The following ABLIM2 variants were observed in gnomAD, a reference collection of about 807,000 sequenced individuals.
The protein encoded by ABLIM2 is actin-binding LIM protein 2.
In ABLIM2, 53 loss-of-function variants were observed where a neutral mutation model predicts 97.7. That is an observed-to-expected ratio of 0.54 (90% CI 0.44 to 0.68). The LOEUF (loss-of-function observed/expected upper bound fraction) is 0.68. Among genes scored for constraint, ABLIM2 ranks in the 30% least tolerant of loss-of-function variants. The pLI is 0.00. For missense variants in ABLIM2, 835 were observed against 867.2 expected (o/e 0.96, Z 0.47); for synonymous variants, 361 against 345.8 (o/e 1.04, Z -0.49).
Position 8,015,375 on chromosome 4 carries a change from C to T in ABLIM2, c.1423+4243G>A, listed in dbSNP as rs914181263. On this transcript the variant is annotated intron_variant, in intron 14 of 20. Transcript: ENST00000447017. This position sits in a 1 kb window ranked among gnomAD's most constrained non-coding sequence, Gnocchi z 4.6. ...AGGGAGAGGCTGAGTTCCTACTCCC[C>T]GGCTCCCCTGGGGAGCCTCAGTGGG... is the stretch of plus-strand genomic sequence containing the variant. 2.0e-5 allele frequency among the ~76,000 whole-genome samples: 3 copies of T among 152,046 alleles called. No homozygotes were observed. The highest frequency in any genetic ancestry group is 2.9e-5 in the Non-Finnish European group (2 of 68,004).
intron 9 of ABLIM2, among the ~76,000 whole-genome samples, chr4:8,039,881 T>TA (rs1553989695): frequency 7.0e-6 from 1 of 141,856 alleles, no homozygotes; most frequent in South Asian, 2.2e-4. Flanking sequence ...ACTGTTTTTT[T>TA]TTTTTTTTTT....
At position 8,056,330 on chromosome 4, in the gene ABLIM2, G is replaced by C. The variant is rs182255366; in HGVS notation, c.764-2084C>G. Among the ~76,000 whole-genome samples, 1,379 of 143,994 alleles carry C rather than the reference G, an allele frequency of 9.6e-3. 19 individuals carry two copies. The highest frequency in any genetic ancestry group is 0.033 in the African/African-American group (1,287 of 38,744). 94.5% of individuals were successfully genotyped at this position (143,994 alleles called of 152,430 possible). On this transcript the variant is annotated intron_variant, in intron 7 of 20. Coordinates refer to ENST00000447017, the MANE Select transcript of ABLIM2 (RefSeq NM_001130083.2). Reference sequence around the variant, plus strand: ...CTTTTTTTTTTTTTTTTTGAGACAGGGTCTCACTCTGTTACCCAGCATGGC... The same window carrying C: ...CTTTTTTTTTTTTTTTTTGAGACAGCGTCTCACTCTGTTACCCAGCATGGC...
At chr4:7,968,450 T>C (rs564526904) in intron 20 of ABLIM2, among the ~76,000 whole-genome samples, 91 of 152,354 alleles carry the variant, frequency 6.0e-4, no homozygotes, top group African/African-American at 2.0e-3. Flanking sequence ...AATGGACGAA[T>C]AGATACACAG....
At position 8,036,187 on chromosome 4, in the gene ABLIM2, T is replaced by C. The variant is rs1463130058; in HGVS notation, c.1009A>G (p.Ile337Val). Residue 337 changes from isoleucine to valine, a missense_variant, in exon 10 of 21, where the codon ATC (isoleucine) becomes GTC (valine). Coordinates refer to ENST00000447017, the MANE Select transcript of ABLIM2 (RefSeq NM_001130083.2). ...TGCCTGTCCCCTGCAGAGTGGCTGA[T>C]GTAGGGTGAGTAGGAGATCATGTCG... ...RPDMISYSPY[I>V]SHSAGDRQSY... 4 of 1,613,806 alleles carry C rather than the reference T, an allele frequency of 2.5e-6. No homozygotes were observed. Among genetic ancestry groups the C allele is most frequent in the East Asian group, 2.2e-5 (1 of 44,876 alleles).
At chr4:8,108,599 C>T (rs748236631) in intron 1 of ABLIM2, among the ~76,000 whole-genome samples, 3 of 152,262 alleles carry the variant, frequency 2.0e-5, no homozygotes, top group Admixed American at 1.3e-4. Context: ...CTAATTCGTG[C>T]CCCCGCTTTC....
Position 7,983,310 on chromosome 4 carries a change from C to A in ABLIM2, c.1778G>T (p.Arg593Leu). 6.2e-7 allele frequency: 1 copy of A among 1,612,458 alleles called. No individual in the cohort carries two copies. Among genetic ancestry groups the A allele is most frequent in the Non-Finnish European group, 8.5e-7 (1 of 1,179,482 alleles). Residue 593 changes from arginine (R) to leucine (L), a missense_variant, in exon 20 of 21, where the codon CGA becomes CTA. Coordinates refer to ENST00000447017, the MANE Select transcript of ABLIM2 (RefSeq NM_001130083.2). ...YPYDSLIVTN[R>L]IRVKLPKDVD... ...GTCTTTGGGCAGTTTCACGCGAATT[C>A]GGTTTGTGACGATGAGGGAGTCATA...
At chr4:7,971,803 C>A (rs1418239521) in intron 20 of ABLIM2, among the ~76,000 whole-genome samples, 1 of 152,162 alleles carries the variant, frequency 6.6e-6, no homozygotes, top group Non-Finnish European at 1.5e-5. Context: ...CTGGGAGGGA[C>A]TCTGACACCT....
chr4:8,056,174 C>T lies in ABLIM2; in HGVS notation c.764-1928G>A, dbSNP rs530287929. Among the ~76,000 whole-genome samples, 11 of 144,950 alleles carry T rather than the reference C, an allele frequency of 7.6e-5. No homozygotes were observed. The South Asian group carries it at 2.5e-3, about 32-fold the overall frequency. ...GTCTCTTATTAAAAATTATAGAAAC[C>T]TTAAAAAATGTAAATGAAATTAAAA... On this transcript the variant is annotated intron_variant, in intron 7 of 20. Transcript: ENST00000447017.
intron 20 of ABLIM2, among the ~76,000 whole-genome samples, chr4:7,977,955 T>C (rs1734878410): frequency 6.6e-6 from 1 of 152,154 alleles, no homozygotes; most frequent in Non-Finnish European, 1.5e-5. Context: ...CAGTTAGCTC[T>C]GAGATGATGT....
chr4:8,000,734 T>C (rs1269793619), intron 16 of ABLIM2, among the ~76,000 whole-genome samples: 2 of 152,072 alleles, frequency 1.3e-5, no homozygotes, highest in African/African-American at 4.8e-5. Context: ...ATGCGGCCAA[T>C]CACAAGCACG....
At chr4:8,096,881 C>T (rs1414418881) in intron 3 of ABLIM2, among the ~76,000 whole-genome samples, 5 of 152,308 alleles carry the variant, frequency 3.3e-5, no homozygotes, top group Admixed American at 6.5e-5. Context: ...AGACCCAAAG[C>T]GGGGCAGCCC....
At position 7,999,579 on chromosome 4, in the gene ABLIM2, G is replaced by A. The variant is rs868062777; in HGVS notation, c.1619-6652C>T. On this transcript the variant is annotated intron_variant, in intron 16 of 20. Coordinates refer to ENST00000447017, the MANE Select transcript of ABLIM2 (RefSeq NM_001130083.2). The surrounding 1 kb of genome is among the most constrained non-coding windows in gnomAD (Gnocchi z 4.4). ...TAACCCTATCTGCTCCCAAGCCAGT[G>A]TGCCCTGGTGTGGGTTTGCAGGCAT... 2.0e-4 allele frequency among the ~76,000 whole-genome samples: 31 copies of A among 152,216 alleles called. No individual in the cohort carries two copies. The highest frequency in any genetic ancestry group is 6.5e-4 in the African/African-American group (27 of 41,462).
At chr4:8,012,462 C>T (rs1395536321) in intron 14 of ABLIM2, among the ~76,000 whole-genome samples, 2 of 136,920 alleles carry the variant, frequency 1.5e-5, no homozygotes, top group Admixed American at 1.5e-4. Flanking sequence ...CGTTCATTTA[C>T]CCATTGATCC....
chr4:8,115,913 C>T (rs562527212), intron 1 of ABLIM2, among the ~76,000 whole-genome samples: 64 of 152,300 alleles, frequency 4.2e-4, no homozygotes, highest in African/African-American at 1.4e-3. Context: ...CATGCTGGGA[C>T]GAAGCTCAAA....
chr4:7,971,116 C>T (rs1323633853), intron 20 of ABLIM2, among the ~76,000 whole-genome samples: 1 of 152,140 alleles, frequency 6.6e-6, no homozygotes, highest in East Asian at 1.9e-4. Flanking sequence ...GTCTCCACTG[C>T]CTCCTAGGTG....
intron 7 of ABLIM2, among the ~76,000 whole-genome samples, chr4:8,057,308 A>G (rs968809894): frequency 6.6e-6 from 1 of 151,828 alleles, no homozygotes; most frequent in African/African-American, 2.4e-5. Flanking sequence ...CTGGTCTTGA[A>G]CTTCCGACTT....
chr4:8,127,985 G>A lies in ABLIM2; in HGVS notation c.11-21348C>T, dbSNP rs1247845884. Among the ~76,000 whole-genome samples the A allele has an allele frequency of 6.6e-6, 1 of 152,166 alleles. No individual in the cohort carries two copies. Among genetic ancestry groups the A allele is most frequent in the East Asian group, 1.9e-4 (1 of 5,176 alleles). ...CCTGCACCAGGGTTCCCTGAAATGG[G>A]GGCTTCAAACAACAGATACGGATTC... On this transcript the variant is annotated intron_variant, in intron 1 of 20. Transcript: ENST00000447017. The surrounding 1 kb of genome is among the most constrained non-coding windows in gnomAD (Gnocchi z 7.3).
In ABLIM2 at chr4:7,976,150, T is replaced by A. The variant is rs370312831; in HGVS notation, c.1824+7114A>T. 5.9e-5 allele frequency among the ~76,000 whole-genome samples: 9 copies of A among 152,320 alleles called. No homozygotes were observed. The East Asian group carries it at 1.7e-3, about 29-fold the overall frequency. ...AATAAATTTTTCCTCTTTTGTGAAA[T>A]CCACTGTCACAGTGACTGGCTGCTG... On this transcript the variant is annotated intron_variant, in intron 20 of 20. Transcript: ENST00000447017.
In ABLIM2 at chr4:8,083,386, T is replaced by C. The variant is rs1821185181; in HGVS notation, c.455-2584A>G. Among the ~76,000 whole-genome samples, 1 of 152,204 alleles carries C rather than the reference T, an allele frequency of 6.6e-6. No individual in the cohort carries two copies. The highest frequency in any genetic ancestry group is 1.5e-5 in the Non-Finnish European group (1 of 68,026). On this transcript the variant is annotated intron_variant, in intron 4 of 20. Transcript: ENST00000447017. This position sits in a 1 kb window ranked among gnomAD's most constrained non-coding sequence, Gnocchi z 4.6. ...TCTGCTCTCACTGCCACTGCTGTTG[T>C]TGCCAGGTGGTCCCCTCACGGGTGG...
Sources: gnomAD v4.1 joint callset for allele counts (sites outside exome capture counted in the v4.1 genomes callset) on GRCh38, gnomAD v4.1.1 for gene constraint, Gnocchi (gnomAD v3.1) non-coding constraint, MANE v1.5 for transcripts, NCBI Gene and HGNC (gene_info 2026-07-23, HGNC 2026-07-21) for gene names.